Variants in TENM2 observed in about 807,000 individuals in gnomAD.
TENM2 encodes teneurin transmembrane protein 2.
Under a neutral mutation model 245.2 loss-of-function variants are expected in TENM2, and 52 were observed. The ratio of observed to expected loss-of-function variants is 0.21; its 90% CI spans 0.17 to 0.27. The LOEUF (loss-of-function observed/expected upper bound fraction) is 0.27. Ranked by LOEUF, TENM2 falls within the 10% of genes least tolerant of loss-of-function variation. The probability of loss-of-function intolerance (pLI) is 1.00; values close to 1 mark genes in which losing one functional copy is unlikely to be tolerated. For missense variants in TENM2, 3,046 were observed against 3,666.8 expected (o/e 0.83, Z 4.37); for synonymous variants, 1,363 against 1,438.9 (o/e 0.95, Z 1.19).
At chr5:167,329,446 G>A (rs1467928893) in intron 1 of TENM2, among the ~76,000 whole-genome samples, 1 of 150,528 alleles carries the variant, frequency 6.6e-6, no homozygotes, top group Non-Finnish European at 1.5e-5. Context: ...CAGCTACCCG[G>A]GAGGCTGAGG....
At chr5:167,171,543 A>C in the TENM2 span, among the ~76,000 whole-genome samples, 2 of 152,214 alleles carry the variant, frequency 1.3e-5, no homozygotes, top group Non-Finnish European at 2.9e-5. Flanking sequence ...CTACCCAGGG[A>C]TGAGCAACCA....
chr5:167,985,689 T>A (rs977904713), intron 4 of TENM2, among the ~76,000 whole-genome samples: 1 of 152,230 alleles, frequency 6.6e-6, no homozygotes, highest in Non-Finnish European at 1.5e-5. Flanking sequence ...TTCACAGCCC[T>A]GCTAGGATTT....
At chr5:167,939,526 A>G (rs973810686) in intron 3 of TENM2, among the ~76,000 whole-genome samples, 6 of 152,226 alleles carry the variant, frequency 3.9e-5, no homozygotes, top group African/African-American at 1.4e-4. Context: ...AAATCAGAGA[A>G]GCTTATAACA....
At chr5:168,238,180 A>AGG (rs1765690198) in intron 25 of TENM2, among the ~76,000 whole-genome samples, 3 of 61,574 alleles carry the variant, frequency 4.9e-5, no homozygotes, top group South Asian at 1.7e-3. Flanking sequence ...AGAGAGAGAG[A>AGG]GAGAGGGAGG....
chr5:167,338,949 A>C (rs1261792602), intron 1 of TENM2, among the ~76,000 whole-genome samples: 1 of 152,120 alleles, frequency 6.6e-6, no homozygotes, highest in African/African-American at 2.4e-5. Flanking sequence ...ATTTAACCTT[A>C]ATCATTCCCT....
chr5:168,128,375 A>G (rs1193411049), intron 12 of TENM2, among the ~76,000 whole-genome samples: 2 of 152,190 alleles, frequency 1.3e-5, no homozygotes, highest in Non-Finnish European at 2.9e-5. Context: ...CTTTTGCTGT[A>G]CTATTGCATG....
intron 2 of TENM2, among the ~76,000 whole-genome samples, chr5:167,846,856 T>C (rs1024195172): frequency 6.6e-6 from 1 of 152,214 alleles, no homozygotes; most frequent in African/African-American, 2.4e-5. Flanking sequence ...AACTGCAGAA[T>C]CATATTCCAA....
At chr5:167,740,057 G>A (rs1299500996) in intron 2 of TENM2, among the ~76,000 whole-genome samples, 1 of 152,184 alleles carries the variant, frequency 6.6e-6, no homozygotes. Flanking sequence ...GAGTGGTGCT[G>A]GTCTAGGAGA....
At position 168,158,848 on chromosome 5, in the gene TENM2, T is replaced by C. The variant is rs867171207; in HGVS notation, c.2423-3763T>C. Among the ~76,000 whole-genome samples the C allele has an allele frequency of 3.9e-3, 229 of 58,682 alleles. 3 individuals are homozygous for C. The highest frequency in any genetic ancestry group is 9.6e-3 in the African/African-American group (175 of 18,148). The allele number at this position is 58,682 out of a possible 152,430, so 38.5% of individuals were successfully genotyped here. On this transcript the variant is annotated intron_variant, in intron 12 of 28. Transcript: ENST00000518659. ...GTGTGTGTATATATATATATATATA[T>C]ATACACACACACACACACACATATA...
At chr5:167,952,849 C>T (rs374963423) in intron 4 of TENM2, 27 bp downstream of exon 6, 13 of 1,537,110 alleles carry the variant, frequency 8.5e-6, no homozygotes, top group East Asian at 2.4e-5. Flanking sequence ...AGCTCACAGT[C>T]ACACTCAGTG....
At chr5:167,581,778 C>T (rs930171047) in intron 2 of TENM2, among the ~76,000 whole-genome samples, 2 of 152,058 alleles carry the variant, frequency 1.3e-5, no homozygotes, top group African/African-American at 2.4e-5. Flanking sequence ...CACAATCTGA[C>T]GCACAGTGTG....
intron 12 of TENM2, among the ~76,000 whole-genome samples, chr5:168,150,550 C>T (rs55924761): frequency 0.051 from 7,836 of 152,308 alleles, 329 homozygotes; most frequent in Non-Finnish European, 0.075. Flanking sequence ...AAGCTCTAGA[C>T]TGACTCCGTC....
intron 2 of TENM2, among the ~76,000 whole-genome samples, chr5:167,474,976 G>A (rs1767273889): frequency 6.6e-6 from 1 of 152,026 alleles, no homozygotes; most frequent in Non-Finnish European, 1.5e-5. Context: ...TGCAAACCTA[G>A]TATATTTTTA....
At chr5:167,422,213 C>G (rs998482625) in intron 2 of TENM2, among the ~76,000 whole-genome samples, 1 of 152,218 alleles carries the variant, frequency 6.6e-6, no homozygotes, top group Non-Finnish European at 1.5e-5. Flanking sequence ...ACAAATAGCA[C>G]AATTATTCTG....
chr5:167,791,983 G>A (rs1765009517), intron 2 of TENM2, among the ~76,000 whole-genome samples: 3 of 152,138 alleles, frequency 2.0e-5, no homozygotes, highest in Admixed American at 2.0e-4. Context: ...GTGAGGAAGA[G>A]TGTCACTTAC....
At chr5:167,159,866 GGTAGA>G in the TENM2 span, among the ~76,000 whole-genome samples, 7 of 152,158 alleles carry the variant, frequency 4.6e-5, no homozygotes, top group Non-Finnish European at 1.0e-4. Flanking sequence ...GGAGATGACT[GGTAGA>G]GTAGAGAGGG....
At chr5:168,121,090 T>A (rs1795438060) in intron 10 of TENM2, among the ~76,000 whole-genome samples, 4 of 152,234 alleles carry the variant, frequency 2.6e-5, no homozygotes, top group Non-Finnish European at 4.4e-5. Context: ...CTTCAGGGGC[T>A]TATAGTACAT....
intron 2 of TENM2, among the ~76,000 whole-genome samples, chr5:167,778,501 A>G (rs1763964773): frequency 6.6e-6 from 1 of 152,200 alleles, no homozygotes; most frequent in Non-Finnish European, 1.5e-5. Flanking sequence ...GTAACTCGGT[A>G]CCTGCTAGAG....
intron 2 of TENM2, among the ~76,000 whole-genome samples, chr5:167,619,707 C>CAT (rs1310365164): frequency 6.6e-6 from 1 of 152,162 alleles, no homozygotes; most frequent in African/African-American, 2.4e-5. Flanking sequence ...ATACTTAATG[C>CAT]ATGCAATGTT....
Sources: gnomAD v4.1 joint callset for allele counts (sites outside exome capture counted in the v4.1 genomes callset) on GRCh38, gnomAD v4.1.1 for gene constraint, MANE v1.5 for transcripts, NCBI Gene and HGNC (gene_info 2026-07-23, HGNC 2026-07-21) for gene names.